Variants in CSMD1 observed in about 807,000 individuals in gnomAD.
CSMD1 encodes the protein CUB and sushi domain-containing protein 1.
CSMD1 carries 213 observed loss-of-function variants against 417.5 expected under a neutral mutation model. The ratio of observed to expected loss-of-function variants is 0.51; its 90% CI spans 0.46 to 0.57. The LOEUF (loss-of-function observed/expected upper bound fraction) is 0.57, where lower values mean the gene tolerates loss of function less well. Ranked by LOEUF, CSMD1 falls within the 20% of genes least tolerant of loss-of-function variation. The pLI is 0.00. For missense variants in CSMD1, 6,923 were observed against 4,529.7 expected, an observed-to-expected ratio of 1.53 and a Z score of -15.17; for synonymous variants, 2,862 against 1,736.8, an observed-to-expected ratio of 1.65 and a Z score of -16.11.
At chr8:4,970,591 A>G (rs192236231) in intron 1 of CSMD1, among the ~76,000 whole-genome samples, 23 of 151,610 alleles carry the variant, frequency 1.5e-4, no homozygotes, top group Admixed American at 1.3e-3. Flanking sequence ...ATTTTTTTTT[A>G]CCAGAAATAT....
intron 7 of CSMD1, among the ~76,000 whole-genome samples, chr8:3,683,094 C>T (rs1211821791): frequency 6.6e-6 from 1 of 151,850 alleles, no homozygotes; most frequent in East Asian, 1.9e-4. Flanking sequence ...ATACCTAATG[C>T]TAAATGACAA....
At chr8:3,090,349 ACTAT>A (rs1814857364) in intron 48 of CSMD1, among the ~76,000 whole-genome samples, 1 of 144,758 alleles carries the variant, frequency 6.9e-6, no homozygotes, top group African/African-American at 2.5e-5. Flanking sequence ...AAAGAGTCTG[ACTAT>A]CTATTTTTTG....
chr8:3,744,494 AAAAT>A (rs71800118), intron 6 of CSMD1, among the ~76,000 whole-genome samples: 146,033 of 151,714 alleles, frequency 0.96, 70,528 homozygotes, highest in South Asian at 1. Flanking sequence ...TTTGGAGGCA[AAAAT>A]AAATAAATAA....
At chr8:3,851,706 G>A (rs1006621981) in intron 5 of CSMD1, among the ~76,000 whole-genome samples, 5 of 152,122 alleles carry the variant, frequency 3.3e-5, no homozygotes, top group Non-Finnish European at 2.9e-5. Context: ...GAAAAAAGCA[G>A]AAGATAAATA....
At chr8:3,594,984 G>C (rs1446088895) in intron 8 of CSMD1, among the ~76,000 whole-genome samples, 1 of 152,184 alleles carries the variant, frequency 6.6e-6, no homozygotes, top group South Asian at 2.1e-4. Context: ...AAGGGCTTTA[G>C]GAAGAAAAAC....
chr8:4,468,932 T>C (rs1038333773), intron 2 of CSMD1, among the ~76,000 whole-genome samples: 2 of 140,250 alleles, frequency 1.4e-5, no homozygotes, highest in Non-Finnish European at 3.2e-5. Flanking sequence ...AACAAGCTCA[T>C]TCTGTTTGAC....
At chr8:3,736,186 GTGTATTAACACAA>G (rs1418963194) in intron 6 of CSMD1, among the ~76,000 whole-genome samples, 89 of 152,236 alleles carry the variant, frequency 5.8e-4, no homozygotes, top group African/African-American at 2.1e-3. Flanking sequence ...CATATTCTAT[GTGTATTAACACAA>G]TTTGATTCTC....
intron 6 of CSMD1, among the ~76,000 whole-genome samples, chr8:3,732,832 GT>G (rs1796335837): frequency 6.6e-6 from 1 of 152,106 alleles, no homozygotes; most frequent in Non-Finnish European, 1.5e-5. Context: ...TATTTATCGA[GT>G]GATTCAAGAC....
At chr8:4,513,493 G>A (rs1802939598) in intron 2 of CSMD1, among the ~76,000 whole-genome samples, 1 of 152,190 alleles carries the variant, frequency 6.6e-6, no homozygotes, top group Admixed American at 6.5e-5. Flanking sequence ...TGAAATGTCG[G>A]ACTGTAACAT....
intron 50 of CSMD1, among the ~76,000 whole-genome samples, chr8:3,030,038 C>A (rs1487311369): frequency 1.3e-5 from 2 of 152,006 alleles, no homozygotes; most frequent in East Asian, 3.9e-4. Context: ...GCATACTGCA[C>A]TAATACTGTT....
intron 9 of CSMD1, among the ~76,000 whole-genome samples, chr8:3,584,204 G>C (rs893707042): frequency 6.6e-6 from 1 of 152,144 alleles, no homozygotes; most frequent in Non-Finnish European, 1.5e-5. Flanking sequence ...AACTTAAGCA[G>C]AACGAGGGAA....
chr8:3,998,354 T>G (rs566215844), intron 4 of CSMD1, among the ~76,000 whole-genome samples: 13 of 152,334 alleles, frequency 8.5e-5, no homozygotes, highest in South Asian at 2.1e-4. Flanking sequence ...ACGGTGGCTT[T>G]TCTGAAACAT....
chr8:4,195,262 G>A (rs1162325014), intron 3 of CSMD1, among the ~76,000 whole-genome samples: 3 of 152,144 alleles, frequency 2.0e-5, no homozygotes, highest in Non-Finnish European at 4.4e-5. Flanking sequence ...AAGAGACAGG[G>A]TCTTGCTCTT....
intron 11 of CSMD1, among the ~76,000 whole-genome samples, chr8:3,488,016 T>A (rs1818155871): frequency 6.6e-6 from 1 of 151,180 alleles, no homozygotes; most frequent in African/African-American, 2.4e-5. Context: ...ACAAACGCAA[T>A]CAAAATATAC....
At chr8:3,921,652 T>C (rs1254173027) in intron 5 of CSMD1, among the ~76,000 whole-genome samples, 2 of 152,166 alleles carry the variant, frequency 1.3e-5, no homozygotes, top group African/African-American at 4.8e-5. Context: ...CCCCCATTAG[T>C]TGTTCAGGCG....
chr8:4,233,043 A>G (rs564319429), intron 3 of CSMD1, among the ~76,000 whole-genome samples: 4 of 152,170 alleles, frequency 2.6e-5, no homozygotes, highest in African/African-American at 9.7e-5. Context: ...AACCACAAGG[A>G]TATGTTGCTC....
At chr8:4,280,658 T>A (rs1265551396) in intron 3 of CSMD1, among the ~76,000 whole-genome samples, 1 of 152,198 alleles carries the variant, frequency 6.6e-6, no homozygotes, top group Non-Finnish European at 1.5e-5. Context: ...CTTGTGTGAA[T>A]CAGCTCACAA....
chr8:3,844,385 C>T (rs1325904660), intron 5 of CSMD1, among the ~76,000 whole-genome samples: 1 of 152,166 alleles, frequency 6.6e-6, no homozygotes, highest in Non-Finnish European at 1.5e-5. Flanking sequence ...ACATACACCT[C>T]ACTCACCAAC....
At chr8:4,215,413 C>G (rs915367422) in intron 3 of CSMD1, among the ~76,000 whole-genome samples, 2 of 152,088 alleles carry the variant, frequency 1.3e-5, no homozygotes, top group Non-Finnish European at 2.9e-5. Flanking sequence ...GATACCATGT[C>G]TGAATCATTA....
Sources: allele counts gnomAD v4.1 joint callset (sites outside exome capture counted in the v4.1 genomes callset), GRCh38; gene constraint gnomAD v4.1.1; transcripts MANE v1.5; gene names NCBI Gene and HGNC (gene_info 2026-07-23, HGNC 2026-07-21).